WWOX: variants seen among roughly 807,000 people sequenced by gnomAD.
The protein encoded by WWOX is WW domain containing oxidoreductase.
WWOX carries 69 observed loss-of-function variants against 46.2 expected under a neutral mutation model. That is an observed-to-expected ratio of 1.49 (90% CI 1.23 to 1.82). WWOX has a LOEUF of 1.82. Among genes scored for constraint, WWOX ranks in the 40% most tolerant of loss-of-function variants. The pLI, the probability that WWOX is intolerant of heterozygous loss-of-function variation, is 0.00. For synonymous variants in WWOX, 359 were observed against 202.6 expected (o/e 1.77, Z -6.56); for missense variants, 919 against 542.6 (o/e 1.69, Z -6.89).
intron 8 of WWOX, among the ~76,000 whole-genome samples, chr16:79,056,252 T>C (rs1039120706): frequency 2.6e-5 from 4 of 151,958 alleles, no homozygotes; most frequent in Middle Eastern, 3.4e-3. Context: ...TTTCTTTTCA[T>C]TGGAGGTTAC....
chr16:79,054,689 G>T (rs1255304813), intron 8 of WWOX, among the ~76,000 whole-genome samples: 1 of 152,098 alleles, frequency 6.6e-6, no homozygotes, highest in African/African-American at 2.4e-5. Context: ...GCCAGGCGTG[G>T]TGTCGTGTGT....
In WWOX at chr16:78,350,178, C is replaced by A. The variant is rs1441298130; in HGVS notation, c.517-36682C>A. Among the ~76,000 whole-genome samples the A allele has an allele frequency of 1.7e-5, 2 of 120,840 alleles. 1 individual carries two copies. Among genetic ancestry groups the A allele is most frequent in the Admixed American group, 1.6e-4 (2 of 12,394 alleles). 79.3% of individuals were successfully genotyped at this position (120,840 alleles called of 152,430 possible). On this transcript the variant is annotated intron_variant, in intron 5 of 8. Coordinates refer to ENST00000566780, the MANE Select transcript of WWOX (RefSeq NM_016373.4). Reference sequence around the variant, plus strand: ...TCAATCCACAATCTCATCAGAGTCCCAATAGTTGCCTGATATGTCTCCATC... The same window carrying A: ...TCAATCCACAATCTCATCAGAGTCCAAATAGTTGCCTGATATGTCTCCATC...
intron 5 of WWOX, among the ~76,000 whole-genome samples, chr16:78,239,912 T>C (rs2037580774): frequency 6.6e-6 from 1 of 152,170 alleles, no homozygotes; most frequent in Non-Finnish European, 1.5e-5. Flanking sequence ...CCTGTCTTTA[T>C]ACATTCTCAA....
intron 8 of WWOX, among the ~76,000 whole-genome samples, chr16:78,826,366 T>A (rs980767527): frequency 8.5e-5 from 13 of 152,244 alleles, no homozygotes; most frequent in Admixed American, 5.9e-4. Context: ...GCAACAGAAA[T>A]GTATTCTCTC....
chr16:79,169,829 A>G (rs1031517951), intron 8 of WWOX, among the ~76,000 whole-genome samples: 2 of 152,180 alleles, frequency 1.3e-5, no homozygotes, highest in African/African-American at 2.4e-5. Flanking sequence ...AATAGTGGGA[A>G]AAGTCTGGTT....
chr16:78,428,214 T>C (rs898388094), intron 7 of WWOX, among the ~76,000 whole-genome samples: 1 of 152,232 alleles, frequency 6.6e-6, no homozygotes, highest in African/African-American at 2.4e-5. Context: ...GAAAATTCTA[T>C]TAAGACATAA....
chr16:78,484,584 T>C (rs1338085676), intron 8 of WWOX, among the ~76,000 whole-genome samples: 1 of 152,218 alleles, frequency 6.6e-6, no homozygotes, highest in Non-Finnish European at 1.5e-5. Flanking sequence ...GAAGTTGGGT[T>C]TTACGTTACA....
chr16:78,893,326 T>C (rs1440345192), intron 8 of WWOX, among the ~76,000 whole-genome samples: 3 of 152,186 alleles, frequency 2.0e-5, no homozygotes, highest in Non-Finnish European at 4.4e-5. Context: ...ATACCAGTCC[T>C]TTCGCCTGTC....
intron 8 of WWOX, among the ~76,000 whole-genome samples, chr16:79,123,654 A>T (rs1485546557): frequency 1.3e-5 from 2 of 152,186 alleles, no homozygotes; most frequent in East Asian, 1.9e-4. Context: ...CTTTTTCCCT[A>T]TTTCTTTCTC....
At chr16:78,286,236 C>T (rs75085432) in intron 5 of WWOX, among the ~76,000 whole-genome samples, 287 of 152,346 alleles carry the variant, frequency 1.9e-3, no homozygotes, top group African/African-American at 6.4e-3. Flanking sequence ...TAATTAATTG[C>T]ACCCAGTTAC....
intron 8 of WWOX, among the ~76,000 whole-genome samples, chr16:78,999,775 G>C (rs183891993): frequency 8.1e-4 from 124 of 152,246 alleles, no homozygotes; most frequent in African/African-American, 2.9e-3. Flanking sequence ...TCACTATTCA[G>C]ATGATGGATA....
rs866835847 is a variant in WWOX at position 79,032,683 on chromosome 16, C to G, written c.1057-178925C>G. Among the ~76,000 whole-genome samples, 625 of 148,560 alleles carry G rather than the reference C, an allele frequency of 4.2e-3. 10 individuals carry two copies. The highest frequency in any genetic ancestry group is 0.015 in the African/African-American group (613 of 40,706). On this transcript the variant is annotated intron_variant, in intron 8 of 8. Coordinates refer to ENST00000566780, the MANE Select transcript of WWOX (RefSeq NM_016373.4). ...TTACATATGTATATATATATATATA[C>G]ACACACACACACACATTTCAACTTT...
chr16:78,384,563 C>T (rs766911858), intron 5 of WWOX, among the ~76,000 whole-genome samples: 12 of 151,906 alleles, frequency 7.9e-5, no homozygotes, highest in Non-Finnish European at 1.8e-4. Flanking sequence ...TGGCAGTTGC[C>T]CTCTTTATAG....
At chr16:78,942,805 C>T (rs2045877756) in intron 8 of WWOX, among the ~76,000 whole-genome samples, 2 of 152,318 alleles carry the variant, frequency 1.3e-5, no homozygotes, top group African/African-American at 2.4e-5. Context: ...TCATGCACTT[C>T]TCTCTGGTTT....
intron 8 of WWOX, among the ~76,000 whole-genome samples, chr16:78,746,709 C>T (rs1300946268): frequency 1.3e-5 from 2 of 151,838 alleles, no homozygotes; most frequent in Non-Finnish European, 2.9e-5. Flanking sequence ...GCCTTTTCTT[C>T]AGCTTGGGCT....
In WWOX at chr16:78,482,461, G is replaced by A. The variant is rs561583310; in HGVS notation, c.1056+49709G>A. Among the ~76,000 whole-genome samples the A allele has an allele frequency of 1.1e-4, 16 of 152,304 alleles. No homozygotes were observed. In the East Asian group the frequency reaches 1.9e-3, roughly 18 times the overall value. ...TGGCCTCGAACTCCTCACTTCAGGTGATCTGACTGCCTTGGCCTCCGAAAG... is the reference window on the plus strand; with the variant it reads ...TGGCCTCGAACTCCTCACTTCAGGTAATCTGACTGCCTTGGCCTCCGAAAG... On this transcript the variant is annotated intron_variant, in intron 8 of 8. Coordinates refer to ENST00000566780, the MANE Select transcript of WWOX (RefSeq NM_016373.4).
chr16:78,509,689 C>A (rs1300347177), intron 8 of WWOX, among the ~76,000 whole-genome samples: 1 of 152,122 alleles, frequency 6.6e-6, no homozygotes, highest in African/African-American at 2.4e-5. Context: ...AACTACTGAT[C>A]AAGCCTTCAC....
chr16:78,919,291 A>G (rs2045322149), intron 8 of WWOX, among the ~76,000 whole-genome samples: 1 of 151,956 alleles, frequency 6.6e-6, no homozygotes, highest in African/African-American at 2.4e-5. Flanking sequence ...GGCTAAGCAG[A>G]GGCTCAGAGA....
chr16:79,181,730 G>A (rs1180515400), intron 8 of WWOX, among the ~76,000 whole-genome samples: 1 of 152,072 alleles, frequency 6.6e-6, no homozygotes, highest in Non-Finnish European at 1.5e-5. Context: ...CATACTTGGA[G>A]TTCTAGAAGT....
Sources: gnomAD v4.1 joint callset for allele counts (sites outside exome capture counted in the v4.1 genomes callset) on GRCh38, gnomAD v4.1.1 for gene constraint, MANE v1.5 for transcripts, NCBI Gene and HGNC (gene_info 2026-07-23, HGNC 2026-07-21) for gene names.